Variants in FLACC1 observed in about 807,000 individuals in gnomAD.
FLACC1 encodes flagellum-associated coiled-coil domain-containing protein 1.
A neutral mutation model predicts 62.8 loss-of-function variants in FLACC1; 66 were observed. The observed-to-expected ratio is 1.05, with a 90% CI of 0.86 to 1.29. The LOEUF (loss-of-function observed/expected upper bound fraction) is 1.29. Ranked by LOEUF, FLACC1 falls within the 50% of genes most tolerant of loss-of-function variation. The probability of loss-of-function intolerance (pLI) is 0.00; values close to 1 mark genes in which losing one functional copy is unlikely to be tolerated. For synonymous variants in FLACC1, 156 were observed against 161.0 expected, an observed-to-expected ratio of 0.97 and a Z score of 0.24; for missense variants, 452 against 489.1, an observed-to-expected ratio of 0.92 and a Z score of 0.71.
In FLACC1 at chr2:201,346,668, A is replaced by C. The variant is rs1950922539; in HGVS notation, c.242T>G (p.Ile81Ser). Residue 81 changes from isoleucine (I) to serine (S), a missense_variant, in exon 5 of 15, where the codon ATC (isoleucine) becomes AGC (serine). Physicochemically the swap from Ile to Ser is moderately radical, Grantham distance 142. This residue lies in a region of FLACC1 where 147 missense variants were observed against 152.7 expected (regional missense o/e 0.96). Coordinates refer to ENST00000392257, the MANE Select transcript of FLACC1 (RefSeq NM_001127391.3). This position sits in a 1 kb window ranked among gnomAD's most constrained non-coding sequence, Gnocchi z 4.0. ...EETNKSFYEV[I>S]NVSPGYQLVR... ...AAGTTGATAGCCAGGTGACACGTTGATCACTTCCTAGGCATCAAGGGAAAG... is the reference window on the plus strand; with the variant it reads ...AAGTTGATAGCCAGGTGACACGTTGCTCACTTCCTAGGCATCAAGGGAAAG... 6.2e-7 allele frequency: 1 copy of C among 1,614,046 alleles called. No individual in the cohort carries two copies. The highest frequency in any genetic ancestry group is 1.7e-5 in the Admixed American group (1 of 60,004).
At chr2:201,331,318 G>A (rs1950590379) in intron 7 of FLACC1, among the ~76,000 whole-genome samples, 1 of 152,078 alleles carries the variant, frequency 6.6e-6, no homozygotes, top group Admixed American at 6.5e-5. Context: ...TATCCAGAAA[G>A]GGTGAGGGGA....
At chr2:201,360,141 G>A (rs1008117009), upstream of FLACC1, among the ~76,000 whole-genome samples, 2 of 152,170 alleles carry the variant, frequency 1.3e-5, no homozygotes, top group African/African-American at 4.8e-5. Flanking sequence ...AAACAGCTGA[G>A]GAGAAGGAAA....
At chr2:201,309,013 G>A (rs1206113434) in intron 10 of FLACC1, 138 bp downstream of exon 10, 1 of 708,882 alleles carries the variant, frequency 1.4e-6, no homozygotes, top group Non-Finnish European at 2.4e-6. Flanking sequence ...AAAACTCTGG[G>A]CACCTTCCAT....
chr2:201,323,016 T>TA (rs1950433821), intron 9 of FLACC1, among the ~76,000 whole-genome samples: 1 of 152,108 alleles, frequency 6.6e-6, no homozygotes, highest in African/African-American at 2.4e-5. Flanking sequence ...ACAAGGTTTT[T>TA]AAACTAACCC....
chr2:201,363,052 C>G, the FLACC1 span, among the ~76,000 whole-genome samples: 17 of 152,108 alleles, frequency 1.1e-4, no homozygotes, highest in African/African-American at 4.1e-4. Flanking sequence ...AGCCTGCTCC[C>G]CTGAGATTGT....
chr2:201,331,672 A>G (rs192777978), intron 7 of FLACC1, among the ~76,000 whole-genome samples: 1 of 152,366 alleles, frequency 6.6e-6, no homozygotes, highest in East Asian at 1.9e-4. Flanking sequence ...TGGAGACAGT[A>G]AAGAGATCAG....
chr2:201,361,990 G>T (rs150147593), upstream of FLACC1, among the ~76,000 whole-genome samples: 1,433 of 152,276 alleles, frequency 9.4e-3, 11 homozygotes, highest in Non-Finnish European at 0.014. Flanking sequence ...TTCTGAATTT[G>T]CACAGTAACA....
chr2:201,321,040 T>C (rs1264805274), intron 9 of FLACC1, among the ~76,000 whole-genome samples: 1 of 152,150 alleles, frequency 6.6e-6, no homozygotes, highest in East Asian at 1.9e-4. Flanking sequence ...AGGTCCTGAG[T>C]TTGTCCACAT....
At position 201,289,580 on chromosome 2, in the gene FLACC1, A is replaced by G. The variant is rs1949681791; in HGVS notation, c.1033-14T>C. On this transcript the variant is annotated splice_polypyrimidine_tract_variant and intron_variant, in intron 13 of 14. Coordinates refer to ENST00000392257, the MANE Select transcript of FLACC1 (RefSeq NM_001127391.3). ...CACTATAGCTTTCTGAAAGACATAC[A>G]TTTTAATAGCCATCTTCCCCAACCC... The G allele has an allele frequency of 6.2e-7, 1 of 1,613,746 alleles. No homozygotes were observed. Among genetic ancestry groups the G allele is most frequent in the African/African-American group, 1.3e-5 (1 of 74,904 alleles).
intron 1 of FLACC1, among the ~76,000 whole-genome samples, chr2:201,352,460 C>A (rs1158427271): frequency 6.6e-6 from 1 of 152,136 alleles, no homozygotes; most frequent in East Asian, 1.9e-4. Flanking sequence ...TAGAGTACAG[C>A]ATTAAAAGAG....
intron 12 of FLACC1, among the ~76,000 whole-genome samples, chr2:201,297,048 T>G (rs1393916549): frequency 6.6e-6 from 1 of 152,098 alleles, no homozygotes; most frequent in African/African-American, 2.4e-5. Context: ...GGGTTGAATT[T>G]GGGAGAGTGA....
chr2:201,319,137 A>G (rs1950355415), intron 9 of FLACC1, among the ~76,000 whole-genome samples: 1 of 152,216 alleles, frequency 6.6e-6, no homozygotes, highest in Admixed American at 6.5e-5. Context: ...TAACCAAAAC[A>G]GCTTGGTACT....
chr2:201,345,486 ATGTG>A (rs1343766463), intron 5 of FLACC1, among the ~76,000 whole-genome samples: 1,787 of 118,790 alleles, frequency 0.015, 20 homozygotes, highest in Non-Finnish European at 0.02. Flanking sequence ...GTGTGTGTGT[ATGTG>A]TGTGTGTGTT....
rs1950907209 is a variant in FLACC1, at chr2:201,346,044, A to C, written c.368+498T>G. ...GCCGGGCGTCATGGTGCAAGCCTGT[A>C]ATCCTAGCTACTCAAGAGGTTGAGG... is the stretch of plus-strand genomic sequence containing the variant. On this transcript the variant is annotated intron_variant, in intron 5 of 14. Coordinates refer to ENST00000392257, the MANE Select transcript of FLACC1 (RefSeq NM_001127391.3). The surrounding 1 kb of genome is among the most constrained non-coding windows in gnomAD (Gnocchi z 4.0). Among the ~76,000 whole-genome samples the C allele has an allele frequency of 6.6e-6, 1 of 152,102 alleles. No homozygotes were observed. The highest frequency in any genetic ancestry group is 2.1e-4 in the South Asian group (1 of 4,824).
intron 11 of FLACC1, among the ~76,000 whole-genome samples, chr2:201,305,852 T>C (rs768976924): frequency 2.7e-5 from 4 of 150,848 alleles, no homozygotes; most frequent in Non-Finnish European, 5.9e-5. Flanking sequence ...CCAAACACCG[T>C]GTGTTCTCAT....
intron 9 of FLACC1, among the ~76,000 whole-genome samples, chr2:201,316,720 C>T (rs1414155170): frequency 3.3e-5 from 5 of 152,092 alleles, no homozygotes; most frequent in Non-Finnish European, 1.5e-5. Flanking sequence ...CAGTATCACC[C>T]TAATACTAAA....
At chr2:201,364,054 A>G in the FLACC1 span, among the ~76,000 whole-genome samples, 1 of 152,204 alleles carries the variant, frequency 6.6e-6, no homozygotes, top group South Asian at 2.1e-4. Context: ...CTGAGGTAAC[A>G]GAGCTTTTCC....
At chr2:201,306,177 C>A (rs936239480) in intron 11 of FLACC1, among the ~76,000 whole-genome samples, 7 of 151,722 alleles carry the variant, frequency 4.6e-5, no homozygotes, top group African/African-American at 1.7e-4. Flanking sequence ...AGGAAACTTA[C>A]AATCATGGCA....
At position 201,330,903 on chromosome 2, in the gene FLACC1, C is replaced by A. The variant is rs201256847; in HGVS notation, c.525-70G>T. 48 of 1,246,656 alleles carry A rather than the reference C, an allele frequency of 3.9e-5. No homozygotes were observed. The East Asian group carries it at 7.9e-4, about 21-fold the overall frequency. The allele number at this position is 1,246,656 out of a possible 1,614,324, so 77.2% of individuals were successfully genotyped here. On this transcript the variant is annotated intron_variant, in intron 7 of 14. Coordinates refer to ENST00000392257, the MANE Select transcript of FLACC1 (RefSeq NM_001127391.3). ...TCCAGAGCTGAGCTGTTACCCTGAT[C>A]TGATCCTACCCTCCACCCTCCCACA...
Sources: allele counts gnomAD v4.1 joint callset (sites outside exome capture counted in the v4.1 genomes callset), GRCh38; gene constraint gnomAD v4.1.1; regional missense constraint gnomAD v4.1.1; non-coding constraint Gnocchi (gnomAD v3.1); transcripts MANE v1.5; gene names NCBI Gene and HGNC (gene_info 2026-07-23, HGNC 2026-07-21).